The following LIN28B variants were observed in gnomAD, a reference collection of about 807,000 sequenced individuals.
The protein encoded by LIN28B is protein lin-28 homolog B.
LIN28B carries 5 observed loss-of-function variants against 21.9 expected under a neutral mutation model. That is an observed-to-expected ratio of 0.23 (90% CI 0.12 to 0.48). The LOEUF is 0.48. Among genes scored for constraint, LIN28B ranks in the 20% least tolerant of loss-of-function variants. The pLI, the probability that LIN28B is intolerant of heterozygous loss-of-function variation, is 0.98. For missense variants in LIN28B, 245 were observed against 310.5 expected (o/e 0.79, Z 1.58); for synonymous variants, 109 against 111.3 (o/e 0.98, Z 0.13).
intron 2 of LIN28B, among the ~76,000 whole-genome samples, chr6:105,021,167 CT>C: frequency 6.6e-6 from 1 of 151,980 alleles, no homozygotes; most frequent in South Asian, 2.1e-4. Flanking sequence ...AGATAATGAC[CT>C]GCAGTCCGTT....
chr6:105,058,366 A>G (rs1483383899), intron 3 of LIN28B, among the ~76,000 whole-genome samples: 1 of 152,108 alleles, frequency 6.6e-6, no homozygotes, highest in African/African-American at 2.4e-5. Flanking sequence ...TTCTGAGTAT[A>G]GTTTTGGGCA....
At chr6:105,016,624 C>T (rs1454658355) in intron 2 of LIN28B, among the ~76,000 whole-genome samples, 2 of 152,108 alleles carry the variant, frequency 1.3e-5, no homozygotes, top group Non-Finnish European at 2.9e-5. Flanking sequence ...CTCCCTCTTT[C>T]CCTTGTTCCC....
At position 104,981,260 on chromosome 6, in the gene LIN28B, G is replaced by A. The variant is rs955840801; in HGVS notation, c.198+22974G>A. 4.0e-5 allele frequency among the ~76,000 whole-genome samples: 6 copies of A among 151,898 alleles called. No homozygotes were observed. The Middle Eastern group carries it at 0.017, about 431-fold the overall frequency. ...CTTCTACCCCCACTCACTCTTTCTG[G>A]TGTTAAAAGCTTCTGTAGGGAATTG... On this transcript the variant is annotated intron_variant, in intron 2 of 3. Coordinates refer to ENST00000345080, the MANE Select transcript of LIN28B (RefSeq NM_001004317.4).
At chr6:104,981,572 G>A (rs1176187641) in intron 2 of LIN28B, among the ~76,000 whole-genome samples, 1 of 152,138 alleles carries the variant, frequency 6.6e-6, no homozygotes, top group Non-Finnish European at 1.5e-5. Context: ...CTAATTTCTT[G>A]TAATTCATAT....
At chr6:105,062,298 T>G (rs1273177509) in intron 3 of LIN28B, among the ~76,000 whole-genome samples, 1 of 152,104 alleles carries the variant, frequency 6.6e-6, no homozygotes, top group Non-Finnish European at 1.5e-5. Flanking sequence ...TGTGATTGTG[T>G]CATTGTTCTG....
At chr6:104,940,870 C>G (rs1354859076) in intron 2 of LIN28B, 1 of 152,546 alleles carries the variant, frequency 6.6e-6, no homozygotes, top group African/African-American at 2.4e-5. Flanking sequence ...TCACAGGTCT[C>G]TCGACCTCCG....
chr6:104,971,960 A>G lies in LIN28B; in HGVS notation c.198+13674A>G, dbSNP rs185230261. ...TTGTTGAAATTATTTGTATCCTAGT[A>G]TTACTGTTATTTATTTATTTATTTA... is the stretch of plus-strand genomic sequence containing the variant. On this transcript the variant is annotated intron_variant, in intron 2 of 3. Coordinates refer to ENST00000345080, the MANE Select transcript of LIN28B (RefSeq NM_001004317.4). Among the ~76,000 whole-genome samples, 540 of 149,006 alleles carry G rather than the reference A, an allele frequency of 3.6e-3. 3 individuals are homozygous for G. Among genetic ancestry groups the G allele is most frequent in the South Asian group, 6.6e-3 (31 of 4,720 alleles).
intron 2 of LIN28B, among the ~76,000 whole-genome samples, chr6:105,021,631 AT>A (rs1165375713): frequency 6.6e-6 from 1 of 152,054 alleles, no homozygotes; most frequent in Admixed American, 6.6e-5. Context: ...CCTGTTGGCC[AT>A]TTGTATGTCT....
chr6:104,953,895 G>A (rs1373144407), upstream of LIN28B, among the ~76,000 whole-genome samples: 1 of 152,186 alleles, frequency 6.6e-6, no homozygotes, highest in East Asian at 1.9e-4. Flanking sequence ...TTTAACAGAA[G>A]TCACTCATTC....
intron 2 of LIN28B, chr6:104,941,055 G>C (rs956063445): frequency 6.6e-6 from 1 of 152,226 alleles, no homozygotes; most frequent in East Asian, 1.9e-4. Context: ...GAGCGTGGCC[G>C]GGTGTGCGTG....
At chr6:104,973,091 A>T (rs1770013546) in intron 2 of LIN28B, among the ~76,000 whole-genome samples, 1 of 151,430 alleles carries the variant, frequency 6.6e-6, no homozygotes, top group African/African-American at 2.4e-5. Context: ...AGCCTGGGGG[A>T]TAGAGTGACA....
chr6:104,967,777 C>T (rs1455881161), intron 2 of LIN28B, among the ~76,000 whole-genome samples: 1 of 151,974 alleles, frequency 6.6e-6, no homozygotes, highest in African/African-American at 2.4e-5. Flanking sequence ...ACTCCTGGCT[C>T]AAGCAATTAT....
At chr6:104,999,420 T>TA (rs1770675393) in intron 2 of LIN28B, among the ~76,000 whole-genome samples, 1 of 152,164 alleles carries the variant, frequency 6.6e-6, no homozygotes, top group Admixed American at 6.5e-5. Flanking sequence ...ATTCCAGGCA[T>TA]AACCCACCTA....
intron 3 of LIN28B, among the ~76,000 whole-genome samples, chr6:105,068,252 G>A (rs1339925240): frequency 6.6e-6 from 1 of 151,982 alleles, no homozygotes; most frequent in Non-Finnish European, 1.5e-5. Context: ...ACCTTTCATT[G>A]GCATCTAATA....
At chr6:105,022,806 G>A (rs1193974875) in intron 2 of LIN28B, among the ~76,000 whole-genome samples, 3 of 152,138 alleles carry the variant, frequency 2.0e-5, no homozygotes, top group Non-Finnish European at 4.4e-5. Flanking sequence ...GAAGACTGGA[G>A]AAGGTCAGAG....
At chr6:104,960,451 A>G (rs768701055) in intron 2 of LIN28B, among the ~76,000 whole-genome samples, 20 of 152,146 alleles carry the variant, frequency 1.3e-4, no homozygotes, top group Admixed American at 5.2e-4. Flanking sequence ...TTTTGAAAAC[A>G]TACCAGGTTT....
intron 3 of LIN28B, among the ~76,000 whole-genome samples, chr6:105,065,559 T>C (rs1417332062): frequency 1.3e-5 from 2 of 152,230 alleles, no homozygotes; most frequent in Non-Finnish European, 2.9e-5. Flanking sequence ...TTCATCGTTT[T>C]CCTCAGCGGT....
intron 2 of LIN28B, among the ~76,000 whole-genome samples, chr6:104,998,951 A>G (rs1388753415): frequency 6.6e-6 from 1 of 152,224 alleles, no homozygotes; most frequent in Non-Finnish European, 1.5e-5. Context: ...TTGCAAAGTA[A>G]GAAAATGATT....
At chr6:105,005,265 C>CT (rs1770794107) in intron 2 of LIN28B, among the ~76,000 whole-genome samples, 1 of 151,940 alleles carries the variant, frequency 6.6e-6, no homozygotes, top group South Asian at 2.1e-4. Context: ...TAGGGATTTT[C>CT]TTTTTTCCTC....
Sources: gnomAD v4.1 joint callset for allele counts (sites outside exome capture counted in the v4.1 genomes callset) on GRCh38, gnomAD v4.1.1 for gene constraint, MANE v1.5 for transcripts, NCBI Gene and HGNC (gene_info 2026-07-23, HGNC 2026-07-21) for gene names.